The following LSAMP variants were observed in gnomAD, a reference collection of about 807,000 sequenced individuals.
LSAMP encodes limbic system associated membrane protein.
A neutral mutation model predicts 38.6 loss-of-function variants in LSAMP; 7 were observed. That is an observed-to-expected ratio of 0.18 (90% CI 0.10 to 0.34). The LOEUF (loss-of-function observed/expected upper bound fraction) is 0.34. LSAMP is among the 10% of genes least tolerant of loss of function. LSAMP has a pLI of 1.00. For synonymous variants in LSAMP, 154 were observed against 166.8 expected, an observed-to-expected ratio of 0.92 and a Z score of 0.59; for missense variants, 313 against 420.0, an observed-to-expected ratio of 0.75 and a Z score of 2.23.
At chr3:116,097,394 C>A (rs149481645) in intron 1 of LSAMP, among the ~76,000 whole-genome samples, 10 of 152,210 alleles carry the variant, frequency 6.6e-5, no homozygotes, top group African/African-American at 2.4e-4. Flanking sequence ...ACTTGAAAAC[C>A]CAGCCCCTTA....
intron 1 of LSAMP, among the ~76,000 whole-genome samples, chr3:116,194,532 C>T (rs1323595427): frequency 1.3e-5 from 2 of 152,122 alleles, no homozygotes; most frequent in Non-Finnish European, 2.9e-5. Flanking sequence ...GTAGCTGGGA[C>T]TGCAGGAGCC....
chr3:116,005,910 C>T (rs145758129), intron 3 of LSAMP, among the ~76,000 whole-genome samples: 56 of 152,142 alleles, frequency 3.7e-4, no homozygotes, highest in African/African-American at 1.3e-3. Context: ...TCCAGTTGGT[C>T]CTTTGGTTAT....
intron 1 of LSAMP, among the ~76,000 whole-genome samples, chr3:116,384,817 CTATTT>C (rs1384434721): frequency 1.3e-5 from 2 of 152,132 alleles, no homozygotes; most frequent in Non-Finnish European, 2.9e-5. Flanking sequence ...TTTTCTCACA[CTATTT>C]TATAAGTAAT....
intron 1 of LSAMP, among the ~76,000 whole-genome samples, chr3:116,179,791 G>A (rs1371497106): frequency 6.6e-6 from 1 of 152,018 alleles, no homozygotes; most frequent in African/African-American, 2.4e-5. Context: ...ATGAAATTTG[G>A]GCAAGGATAA....
chr3:116,440,987 G>A (rs941104886), intron 1 of LSAMP, among the ~76,000 whole-genome samples: 10 of 152,090 alleles, frequency 6.6e-5, no homozygotes, highest in Non-Finnish European at 8.8e-5. Flanking sequence ...ACAGAAATTT[G>A]AACAAGATCT....
chr3:115,888,731 T>C (rs1442450009), intron 3 of LSAMP, among the ~76,000 whole-genome samples: 1 of 151,930 alleles, frequency 6.6e-6, no homozygotes, highest in Non-Finnish European at 1.5e-5. Flanking sequence ...ATTGAACAAA[T>C]TTCTATTTTT....
intron 3 of LSAMP, among the ~76,000 whole-genome samples, chr3:115,980,827 T>C (rs1265725377): frequency 6.6e-6 from 1 of 152,222 alleles, no homozygotes; most frequent in African/African-American, 2.4e-5. Context: ...TATCTTTTGC[T>C]GTTCTCTGTT....
chr3:116,084,544 T>A (rs938948977), intron 2 of LSAMP, among the ~76,000 whole-genome samples: 1 of 151,914 alleles, frequency 6.6e-6, no homozygotes, highest in Non-Finnish European at 1.5e-5. Flanking sequence ...CACTCAACTA[T>A]TCCCTGAACT....
At chr3:115,827,884 G>T (rs1165967617) in intron 6 of LSAMP, among the ~76,000 whole-genome samples, 1 of 152,206 alleles carries the variant, frequency 6.6e-6, no homozygotes, top group Non-Finnish European at 1.5e-5. Flanking sequence ...AAGGGGAGGT[G>T]TAAGGTGGGA....
chr3:116,114,996 T>G (rs1354141893), intron 1 of LSAMP, among the ~76,000 whole-genome samples: 1 of 152,232 alleles, frequency 6.6e-6, no homozygotes, highest in Non-Finnish European at 1.5e-5. Context: ...TTTTATGAAG[T>G]GGAATTGTTT....
At chr3:115,958,384 T>C (rs1031440482) in intron 3 of LSAMP, among the ~76,000 whole-genome samples, 3 of 152,204 alleles carry the variant, frequency 2.0e-5, no homozygotes, top group Admixed American at 1.3e-4. Context: ...TAAGGCTCTT[T>C]GACAGCCTTA....
intron 1 of LSAMP, among the ~76,000 whole-genome samples, chr3:116,107,374 C>G (rs1708491651): frequency 6.6e-6 from 1 of 152,116 alleles, no homozygotes; most frequent in African/African-American, 2.4e-5. Flanking sequence ...TTGAGGGCCT[C>G]TAAAAGTATT....
chr3:115,939,846 T>C (rs1179996313), intron 3 of LSAMP, among the ~76,000 whole-genome samples: 1 of 152,058 alleles, frequency 6.6e-6, no homozygotes, highest in Non-Finnish European at 1.5e-5. Context: ...GGCCCTATGT[T>C]TTCTTCTAGG....
rs889647124 is a variant in LSAMP at position 116,270,210 on chromosome 3, G to A, written c.155+174667C>T. Among the ~76,000 whole-genome samples, 9 of 151,950 alleles carry A rather than the reference G, an allele frequency of 5.9e-5. No individual in the cohort carries two copies. The South Asian group carries it at 6.2e-4, about 10-fold the overall frequency. Reference sequence around the variant, plus strand: ...GTATGTCATTGGTCAATTAGTCACCGCAGACCCTTTTAGTCACAGGAAATT... The same window carrying A: ...GTATGTCATTGGTCAATTAGTCACCACAGACCCTTTTAGTCACAGGAAATT... On this transcript the variant is annotated intron_variant, in intron 1 of 6. Coordinates refer to ENST00000490035, the MANE Select transcript of LSAMP (RefSeq NM_002338.5).
intron 1 of LSAMP, among the ~76,000 whole-genome samples, chr3:116,099,499 T>C (rs577468240): frequency 2.0e-5 from 3 of 152,320 alleles, no homozygotes; most frequent in African/African-American, 7.2e-5. Context: ...TGTTGAAATC[T>C]TAATATTCTG....
chr3:116,021,312 T>C (rs975065334), intron 2 of LSAMP, among the ~76,000 whole-genome samples: 28 of 152,056 alleles, frequency 1.8e-4, no homozygotes, highest in South Asian at 2.1e-4. Flanking sequence ...ATCATATACA[T>C]TTTACAGGGA....
At chr3:116,074,238 G>A (rs1363696074) in intron 2 of LSAMP, among the ~76,000 whole-genome samples, 2 of 152,164 alleles carry the variant, frequency 1.3e-5, no homozygotes, top group Non-Finnish European at 2.9e-5. Flanking sequence ...TTTTATTTCA[G>A]CATTTATACT....
chr3:115,996,625 A>C (rs1213899817), intron 3 of LSAMP, among the ~76,000 whole-genome samples: 1 of 152,128 alleles, frequency 6.6e-6, no homozygotes, highest in Non-Finnish European at 1.5e-5. Flanking sequence ...ATGATCTCAC[A>C]GACACTGGTA....
chr3:116,151,315 A>G (rs1709604357), intron 1 of LSAMP, among the ~76,000 whole-genome samples: 1 of 152,042 alleles, frequency 6.6e-6, no homozygotes, highest in African/African-American at 2.4e-5. Context: ...GAAAGGACAT[A>G]GTAAGAAGAG....
Sources: gnomAD v4.1 joint callset for allele counts (sites outside exome capture counted in the v4.1 genomes callset) on GRCh38, gnomAD v4.1.1 for gene constraint, MANE v1.5 for transcripts, NCBI Gene and HGNC (gene_info 2026-07-23, HGNC 2026-07-21) for gene names.